SLC5A7: variants seen among roughly 807,000 people sequenced by gnomAD.
The protein encoded by SLC5A7 is high affinity choline transporter 1.
In SLC5A7, 19 loss-of-function variants were observed where a neutral mutation model predicts 55.4. The ratio of observed to expected loss-of-function variants is 0.34; its 90% CI spans 0.24 to 0.50. SLC5A7 has a LOEUF of 0.50. Ranked by LOEUF, SLC5A7 falls within the 20% of genes least tolerant of loss-of-function variation. The pLI, the probability that SLC5A7 is intolerant of heterozygous loss-of-function variation, is 0.98. For synonymous variants in SLC5A7, 265 were observed against 263.7 expected (o/e 1.00, Z -0.05); for missense variants, 506 against 705.3 (o/e 0.72, Z 3.20).
chr2:107,995,817 C>T lies in SLC5A7; in HGVS notation c.449-2021C>T, dbSNP rs966103046. Reference sequence around the variant, plus strand: ...AACATTTTGAAGAAATGTGTATTTACACTTCTAACAGCTCAAGTTCAGTGG... The same window carrying T: ...AACATTTTGAAGAAATGTGTATTTATACTTCTAACAGCTCAAGTTCAGTGG... On this transcript the variant is annotated intron_variant, in intron 4 of 8. Coordinates refer to ENST00000264047, the MANE Select transcript of SLC5A7 (RefSeq NM_021815.5). 1.2e-4 allele frequency among the ~76,000 whole-genome samples: 18 copies of T among 152,084 alleles called. 1 individual carries two copies. The highest frequency in any genetic ancestry group is 2.0e-4 in the Admixed American group (3 of 15,270).
intron 7 of SLC5A7, among the ~76,000 whole-genome samples, chr2:108,007,075 G>A (rs1025780881): frequency 1.3e-5 from 2 of 152,120 alleles, no homozygotes; most frequent in African/African-American, 2.4e-5. Flanking sequence ...TTAATTAAAT[G>A]TATTAATTAC....
rs542359914 is a variant in SLC5A7, at chr2:108,008,099, TAAA to T, written c.896-365_896-363del. Among the ~76,000 whole-genome samples, 761 of 152,254 alleles carry T rather than the reference TAAA, an allele frequency of 5.0e-3. 8 individuals are homozygous for T. Among genetic ancestry groups the T allele is most frequent in the Non-Finnish European group, 5.8e-3 (393 of 67,998 alleles). On this transcript the variant is annotated intron_variant, in intron 7 of 8. Transcript: ENST00000264047. ...CATTTACACATGAATAACTGAGCCT[TAAA>T]GAAGAAACAGTGAGTGTCCCACCAC...
Position 108,001,889 on chromosome 2 carries a change from T to C in SLC5A7, c.598-8T>C, listed in dbSNP as rs1345101098. On this transcript the variant is annotated splice_polypyrimidine_tract_variant and splice_region_variant and intron_variant, in intron 5 of 8. Coordinates refer to ENST00000264047, the MANE Select transcript of SLC5A7 (RefSeq NM_021815.5). ...CGCCTAGGGCTCCAGTGTCACTTTC[T>C]GTTGCAGTGGATCAGCGTCCCCTTT... The C allele has an allele frequency of 6.2e-7, 1 of 1,613,910 alleles. No homozygotes were observed. The highest frequency in any genetic ancestry group is 1.1e-5 in the South Asian group (1 of 91,058).
chr2:108,001,087 C>T (rs1677873299), intron 5 of SLC5A7, among the ~76,000 whole-genome samples: 1 of 151,884 alleles, frequency 6.6e-6, no homozygotes, highest in Non-Finnish European at 1.5e-5. Context: ...TATTAGAACT[C>T]AAGTTTGTGT....
At chr2:107,989,340 G>A (rs1481760014) in intron 2 of SLC5A7, among the ~76,000 whole-genome samples, 2 of 152,182 alleles carry the variant, frequency 1.3e-5, no homozygotes, top group Non-Finnish European at 2.9e-5. Flanking sequence ...ATGATTCACC[G>A]TGTATATCAG....
chr2:108,008,070 T>C (rs535092571), intron 7 of SLC5A7, among the ~76,000 whole-genome samples: 32 of 152,348 alleles, frequency 2.1e-4, no homozygotes, highest in African/African-American at 7.7e-4. Context: ...CTATTGTCTT[T>C]CTTCATTTAC....
chr2:107,993,179 A>G (rs1677521950), intron 4 of SLC5A7, 52 bp downstream of exon 4: 9 of 1,600,318 alleles, frequency 5.6e-6, no homozygotes, highest in Non-Finnish European at 7.7e-6. Flanking sequence ...ACTAAACATC[A>G]GATACACAAC....
intron 4 of SLC5A7, among the ~76,000 whole-genome samples, chr2:107,994,697 A>G (rs1197807731): frequency 3.9e-5 from 6 of 152,158 alleles, no homozygotes; most frequent in Non-Finnish European, 7.4e-5. Flanking sequence ...TTATGTGTAA[A>G]ACTACACCTC....
chr2:108,002,619 T>C (rs914435539), intron 6 of SLC5A7, among the ~76,000 whole-genome samples: 18 of 152,066 alleles, frequency 1.2e-4, no homozygotes, highest in Admixed American at 7.9e-4. Flanking sequence ...GCCGATCCCA[T>C]TGAGGCAAGA....
intron 4 of SLC5A7, among the ~76,000 whole-genome samples, chr2:107,993,929 T>G (rs1399709262): frequency 6.6e-6 from 1 of 152,250 alleles, no homozygotes; most frequent in East Asian, 1.9e-4. Flanking sequence ...TGTTACGGTT[T>G]AGTAGTGGAA....
intron 6 of SLC5A7, among the ~76,000 whole-genome samples, chr2:108,003,113 A>T (rs923249966): frequency 6.6e-6 from 1 of 152,128 alleles, no homozygotes; most frequent in Non-Finnish European, 1.5e-5. Flanking sequence ...TTGCCTAAGG[A>T]TTGTTGAGAA....
intron 4 of SLC5A7, among the ~76,000 whole-genome samples, chr2:107,996,014 C>T (rs914488070): frequency 5.3e-5 from 8 of 152,172 alleles, no homozygotes; most frequent in East Asian, 3.9e-4. Context: ...AAGTGATTGA[C>T]GTCTCTAATA....
intron 8 of SLC5A7, among the ~76,000 whole-genome samples, chr2:108,009,637 G>T (rs887792989): frequency 1.6e-4 from 25 of 152,154 alleles, no homozygotes; most frequent in African/African-American, 5.8e-4. Flanking sequence ...GCAAAGGAAT[G>T]ATCTTATTCC....
intron 5 of SLC5A7, among the ~76,000 whole-genome samples, chr2:108,000,446 A>T (rs999597053): frequency 1.4e-4 from 21 of 151,870 alleles, no homozygotes; most frequent in Admixed American, 6.5e-4. Context: ...TTTTTAAAAA[A>T]TTTTTATTTT....
At chr2:108,001,474 C>T (rs1262342256) in intron 5 of SLC5A7, among the ~76,000 whole-genome samples, 2 of 151,712 alleles carry the variant, frequency 1.3e-5, no homozygotes, top group East Asian at 3.9e-4. Context: ...GAGATCGAGA[C>T]CATCCCGGCT....
At position 107,996,170 on chromosome 2, in the gene SLC5A7, A is replaced by C. The variant is rs188454595; in HGVS notation, c.449-1668A>C. ...TTATTAAAGTGGAGAACTACACACAAAAAAAAAGAACGACAAAGTGTTGGA... is the reference window on the plus strand; with the variant it reads ...TTATTAAAGTGGAGAACTACACACACAAAAAAAGAACGACAAAGTGTTGGA... On this transcript the variant is annotated intron_variant, in intron 4 of 8. Coordinates refer to ENST00000264047, the MANE Select transcript of SLC5A7 (RefSeq NM_021815.5). Among the ~76,000 whole-genome samples, 104 of 151,880 alleles carry C rather than the reference A, an allele frequency of 6.8e-4. 1 individual carries two copies. In the East Asian group the frequency reaches 0.018, roughly 26 times the overall value.
intron 4 of SLC5A7, among the ~76,000 whole-genome samples, chr2:107,994,149 C>G (rs1008581653): frequency 3.3e-5 from 5 of 152,120 alleles, no homozygotes; most frequent in African/African-American, 1.2e-4. Flanking sequence ...ATGGAAGCTC[C>G]CCATAAAGGT....
At chr2:107,995,444 GGAGA>G (rs67365376) in intron 4 of SLC5A7, among the ~76,000 whole-genome samples, 3,083 of 139,766 alleles carry the variant, frequency 0.022, 87 homozygotes, top group African/African-American at 0.068. Flanking sequence ...GAACTCTTTG[GGAGA>G]GAGAGAGAGA....
intron 4 of SLC5A7, among the ~76,000 whole-genome samples, chr2:107,993,517 C>T (rs561935526): frequency 5.6e-4 from 85 of 152,238 alleles, no homozygotes; most frequent in African/African-American, 1.9e-3. Context: ...AATACTAATA[C>T]ATATTTTTGG....
Sources: allele counts gnomAD v4.1 joint callset (sites outside exome capture counted in the v4.1 genomes callset), GRCh38; gene constraint gnomAD v4.1.1; transcripts MANE v1.5; gene names NCBI Gene and HGNC (gene_info 2026-07-23, HGNC 2026-07-21).